LRCH1: variants seen among roughly 807,000 people sequenced by gnomAD.
LRCH1 encodes leucine rich repeats and calponin homology domain containing 1.
In LRCH1, 23 loss-of-function variants were observed where a neutral mutation model predicts 94.9. The observed-to-expected ratio is 0.24, with a 90% confidence interval of 0.17 to 0.34. LRCH1 has a LOEUF of 0.34. Ranked by LOEUF, LRCH1 falls within the 10% of genes least tolerant of loss-of-function variation. The pLI is 1.00. For missense variants in LRCH1, 790 were observed against 945.9 expected (o/e 0.84, Z 2.16); for synonymous variants, 364 against 354.9 (o/e 1.03, Z -0.29).
chr13:46,636,069 T>C (rs1185601806), intron 1 of LRCH1, among the ~76,000 whole-genome samples: 2 of 129,442 alleles, frequency 1.5e-5, no homozygotes, highest in Non-Finnish European at 3.3e-5. Context: ...CTTTTTTTTT[T>C]TTTTTTTTTT....
chr13:46,700,594 C>T (rs1871411786), intron 10 of LRCH1, among the ~76,000 whole-genome samples: 3 of 152,206 alleles, frequency 2.0e-5, no homozygotes, highest in Admixed American at 6.5e-5. Context: ...TGCTGAACTC[C>T]TAGTCAGACC....
At chr13:46,745,418 C>T (rs1012452442), downstream of LRCH1, among the ~76,000 whole-genome samples, 3 of 151,826 alleles carry the variant, frequency 2.0e-5, no homozygotes, top group Admixed American at 1.3e-4. Context: ...AATAGGGGAC[C>T]GTGAACGCAT....
intron 1 of LRCH1, among the ~76,000 whole-genome samples, chr13:46,573,866 A>ATATATATATATATATATATATTTTTTT: frequency 3.0e-4 from 19 of 63,376 alleles, no homozygotes; most frequent in Non-Finnish European, 5.7e-4. Flanking sequence ...ATATATATAT[A>ATATATATATATATATATATATTTTTTT]TTTTTTTTTT....
intron 1 of LRCH1, among the ~76,000 whole-genome samples, chr13:46,597,184 G>A (rs987638248): frequency 2.6e-5 from 4 of 152,148 alleles, no homozygotes; most frequent in Non-Finnish European, 2.9e-5. Context: ...ACACGTACCC[G>A]GTGGAGGTTG....
intron 3 of LRCH1, among the ~76,000 whole-genome samples, chr13:46,673,080 T>C (rs964215199): frequency 2.6e-5 from 4 of 152,218 alleles, no homozygotes; most frequent in Non-Finnish European, 5.9e-5. Context: ...CAAAACGTTA[T>C]TACTTCGTCA....
intron 5 of LRCH1, 47 bp from the exon 6 acceptor site, chr13:46,687,800 ATTTTG>A: frequency 6.6e-7 from 1 of 1,525,882 alleles, no homozygotes; most frequent in Non-Finnish European, 9.0e-7. Context: ...TGATACTTAC[ATTTTG>A]TTTTGTCATT....
At chr13:46,618,388 G>A (rs1005786837) in intron 1 of LRCH1, among the ~76,000 whole-genome samples, 2 of 152,156 alleles carry the variant, frequency 1.3e-5, no homozygotes, top group African/African-American at 4.8e-5. Flanking sequence ...ACCACTGCAT[G>A]CGTGGTCCAT....
Position 46,744,294 on chromosome 13 carries a change from C to CA in LRCH1, c.*2446_*2447insA, listed in dbSNP as rs1873811827. The CA allele has an allele frequency of 1.0e-6, 1 of 977,150 alleles. No individual in the cohort carries two copies. Among genetic ancestry groups the CA allele is most frequent in the African/African-American group, 2.0e-5 (1 of 50,214 alleles). The allele number at this position is 977,150 out of a possible 1,614,324, so 60.5% of individuals were successfully genotyped here. A position where few individuals can be genotyped will look rare whatever the true frequency, so the allele number is the denominator to read the frequency against. On this transcript the variant is annotated 3_prime_UTR_variant, in exon 20 of 20. Coordinates refer to ENST00000389797, the MANE Select transcript of LRCH1 (RefSeq NM_001164211.2). ...CAAATCTCCTCCTCACAAGAAAGACCGTTTTTTCAGTACTCCCTTCCAATG... is the reference window on the plus strand; with the variant it reads ...CAAATCTCCTCCTCACAAGAAAGACCAGTTTTTTCAGTACTCCCTTCCAATG...
Position 46,731,922 on chromosome 13 carries a change from T to G in LRCH1, c.2008-1999T>G, listed in dbSNP as rs183236741. ...CGCCTTAGGACAGGGTTTCTTCCTTTGTTCATTTTCCGTCACACCTACCCC... is the reference window on the plus strand; with the variant it reads ...CGCCTTAGGACAGGGTTTCTTCCTTGGTTCATTTTCCGTCACACCTACCCC... On this transcript the variant is annotated intron_variant, in intron 18 of 19. Coordinates refer to ENST00000389797, the MANE Select transcript of LRCH1 (RefSeq NM_001164211.2). 3.2e-3 allele frequency among the ~76,000 whole-genome samples: 481 copies of G among 152,290 alleles called. 4 individuals carry two copies. The highest frequency in any genetic ancestry group is 6.8e-3 in the Middle Eastern group (2 of 294).
At chr13:46,751,275 C>T (rs1046023640) in exon 19 of LRCH1, 10 of 151,822 alleles carry the variant, frequency 6.6e-5, no homozygotes, top group South Asian at 2.1e-4. Context: ...CTTTGGTGTG[C>T]GGTAGTTTAG....
At chr13:46,623,693 G>GTTT (rs5803361) in intron 1 of LRCH1, among the ~76,000 whole-genome samples, 1,510 of 128,420 alleles carry the variant, frequency 0.012, 23 homozygotes, top group South Asian at 0.032. Context: ...CCCTGTCTCT[G>GTTT]TTTTTTTTTT....
At chr13:46,599,971 G>A (rs1047839467) in intron 1 of LRCH1, among the ~76,000 whole-genome samples, 4 of 152,198 alleles carry the variant, frequency 2.6e-5, no homozygotes, top group African/African-American at 4.8e-5. Flanking sequence ...GGTGGCTCAC[G>A]CCACCGATCT....
rs1873750113 is a variant in LRCH1 at position 46,743,126 on chromosome 13, A to T, written c.*1278A>T. 1.0e-6 allele frequency: 1 copy of T among 985,420 alleles called. No individual in the cohort carries two copies. Among genetic ancestry groups the T allele is most frequent in the East Asian group, 1.1e-4 (1 of 8,814 alleles). The allele number at this position is 985,420 out of a possible 1,614,324, so 61.0% of individuals were successfully genotyped here. A position where few individuals can be genotyped will look rare whatever the true frequency, so the allele number is the denominator to read the frequency against. The stretch of plus-strand genomic sequence containing the variant: ...TGCTGTTTGCCAAATCTTGTTTCTT[A>T]GCTTGGGGAGATGATGGACTTAGCT... On this transcript the variant is annotated 3_prime_UTR_variant, in exon 20 of 20. Coordinates refer to ENST00000389797, the MANE Select transcript of LRCH1 (RefSeq NM_001164211.2).
chr13:46,567,192 A>G (rs2050193552), intron 1 of LRCH1, among the ~76,000 whole-genome samples: 1 of 152,214 alleles, frequency 6.6e-6, no homozygotes, highest in South Asian at 2.1e-4. Context: ...AACATTACCT[A>G]TAGAATACAA....
At chr13:46,605,676 G>A (rs1304288206) in intron 1 of LRCH1, among the ~76,000 whole-genome samples, 1 of 152,192 alleles carries the variant, frequency 6.6e-6, no homozygotes, top group Non-Finnish European at 1.5e-5. Flanking sequence ...CTGATAGGGA[G>A]AAGTTGGGTA....
chr13:46,564,739 C>A (rs949239839), intron 1 of LRCH1, among the ~76,000 whole-genome samples: 1 of 152,216 alleles, frequency 6.6e-6, no homozygotes, highest in Non-Finnish European at 1.5e-5. Flanking sequence ...GAATTGGAAG[C>A]AAGTTAGTGA....
chr13:46,648,215 A>C (rs763304585), intron 1 of LRCH1, among the ~76,000 whole-genome samples: 1 of 152,168 alleles, frequency 6.6e-6, no homozygotes, highest in Non-Finnish European at 1.5e-5. Context: ...CACAGTTCAC[A>C]ATAGGGTTCA....
At chr13:46,700,388 C>T (rs918280256) in intron 10 of LRCH1, among the ~76,000 whole-genome samples, 1 of 152,136 alleles carries the variant, frequency 6.6e-6, no homozygotes, top group Admixed American at 6.5e-5. Context: ...TCTCTGGTCA[C>T]GGTCTGTATT....
intron 19 of LRCH1, among the ~76,000 whole-genome samples, chr13:46,741,019 A>T (rs571008120): frequency 3.3e-5 from 5 of 152,328 alleles, no homozygotes; most frequent in Admixed American, 2.0e-4. Context: ...AGCCTCCCCT[A>T]GACTTTTGGT....
Sources: allele counts gnomAD v4.1 joint callset (sites outside exome capture counted in the v4.1 genomes callset), GRCh38; gene constraint gnomAD v4.1.1; transcripts MANE v1.5; gene names NCBI Gene and HGNC (gene_info 2026-07-23, HGNC 2026-07-21).